PDE10A: variants seen among roughly 807,000 people sequenced by gnomAD.
PDE10A encodes cAMP and cAMP-inhibited cGMP 3',5'-cyclic phosphodiesterase 10A.
A neutral mutation model predicts 97.7 loss-of-function variants in PDE10A; 39 were observed. The ratio of observed to expected loss-of-function variants is 0.40; its 90% CI spans 0.31 to 0.52. The LOEUF (loss-of-function observed/expected upper bound fraction) is 0.52. Ranked by LOEUF, PDE10A falls within the 20% of genes least tolerant of loss-of-function variation. The probability of loss-of-function intolerance (pLI) is 0.56; values close to 1 mark genes in which losing one functional copy is unlikely to be tolerated. For synonymous variants in PDE10A, 371 were observed against 376.8 expected, an observed-to-expected ratio of 0.98 and a Z score of 0.18; for missense variants, 731 against 1,047.8, an observed-to-expected ratio of 0.70 and a Z score of 4.17.
In PDE10A at chr6:165,543,513, A is replaced by T. The variant is rs1394203862; in HGVS notation, c.921T>A (p.Asp307Glu). The T allele has an allele frequency of 3.7e-6, 6 of 1,611,534 alleles. No individual in the cohort carries two copies. The highest frequency in any genetic ancestry group is 5.1e-6 in the Non-Finnish European group (6 of 1,178,216). ...CACTAACACTTTCAGATACAAATTC[A>T]TCTAATACCTGGGGGTGAAGAGAAA... is the stretch of plus-strand genomic sequence containing the variant. ...AYLSLHPQVL[D>E]EFVSESVSAE... Residue 307 changes from aspartate (D) to glutamate (E), a missense_variant, in exon 2 of 22, where the codon GAT becomes GAA. Around this residue, in one of 8 missense-constraint regions of PDE10A, gnomAD observed 181 missense variants for 159.1 expected, o/e 1.14. Coordinates refer to ENST00000539869, the MANE Select transcript of PDE10A (RefSeq NM_001385079.1).
chr6:165,422,825 A>T (rs1279089151), intron 10 of PDE10A, among the ~76,000 whole-genome samples: 2 of 152,182 alleles, frequency 1.3e-5, no homozygotes, highest in Non-Finnish European at 2.9e-5. Context: ...CTTGTTAGTA[A>T]ATGATATCTA....
At chr6:165,642,363 T>C (rs1789177883) in intron 1 of PDE10A, among the ~76,000 whole-genome samples, 1 of 152,206 alleles carries the variant, frequency 6.6e-6, no homozygotes, top group South Asian at 2.1e-4. Context: ...GTCATGGACG[T>C]CCATCTGTGC....
chr6:165,390,988 A>T (rs1418617212), intron 16 of PDE10A, among the ~76,000 whole-genome samples: 1 of 152,170 alleles, frequency 6.6e-6, no homozygotes, highest in Non-Finnish European at 1.5e-5. Context: ...TGTACCTGAT[A>T]AGAAATCTCA....
At chr6:165,910,197 A>G (rs1374542892) in intron 1 of PDE10A, among the ~76,000 whole-genome samples, 1 of 152,194 alleles carries the variant, frequency 6.6e-6, no homozygotes, top group African/African-American at 2.4e-5. Flanking sequence ...GCAGAGACAT[A>G]GAGATGGGGC....
At chr6:165,896,440 A>C (rs1583250000) in intron 1 of PDE10A, among the ~76,000 whole-genome samples, 1 of 142,194 alleles carries the variant, frequency 7.0e-6, no homozygotes, top group African/African-American at 2.7e-5. Flanking sequence ...TACAACCTCC[A>C]CCTCCTGGGT....
chr6:165,983,185 T>A (rs1424825649), intron 1 of PDE10A, among the ~76,000 whole-genome samples: 2 of 152,184 alleles, frequency 1.3e-5, no homozygotes, highest in African/African-American at 4.8e-5. Flanking sequence ...CCTAGTTAAA[T>A]TAAGCAGGCC....
intron 11 of PDE10A, among the ~76,000 whole-genome samples, chr6:165,416,782 T>C (rs1788347748): frequency 6.6e-6 from 1 of 152,194 alleles, no homozygotes; most frequent in Non-Finnish European, 1.5e-5. Flanking sequence ...TGAGATATTA[T>C]ACAGAACTGA....
rs562915451 is a variant in PDE10A at position 165,794,240 on chromosome 6, C to T, written c.-615+193289G>A. Among the ~76,000 whole-genome samples the T allele has an allele frequency of 5.3e-5, 8 of 151,574 alleles. No homozygotes were observed. In the South Asian group the frequency reaches 6.3e-4, roughly 12 times the overall value. On this transcript the variant is annotated intron_variant, in intron 1 of 19. Transcript: ENST00000366882. ...ACACAATCATACACTCCCTCCCACACGCACACCTGCTCACACTCACATACA... is the reference window on the plus strand; with the variant it reads ...ACACAATCATACACTCCCTCCCACATGCACACCTGCTCACACTCACATACA...
rs1303708185 is a variant in PDE10A, at chr6:165,330,949, G to C, written c.*2076C>G. Reference sequence around the variant, plus strand: ...GTATCTTGTTCAAATTCAATTATATGATACACTAACACAAAAATGACACTT... The same window carrying C: ...GTATCTTGTTCAAATTCAATTATATCATACACTAACACAAAAATGACACTT... On this transcript the variant is annotated 3_prime_UTR_variant, in exon 22 of 22. Coordinates refer to ENST00000539869, the MANE Select transcript of PDE10A (RefSeq NM_001385079.1). The C allele has an allele frequency of 6.6e-6, 1 of 152,116 alleles. No individual in the cohort carries two copies. Among genetic ancestry groups the C allele is most frequent in the African/African-American group, 2.4e-5 (1 of 41,430 alleles). The allele number at this position is 152,116 out of a possible 1,614,324, so 9.4% of individuals were successfully genotyped here.
At chr6:165,597,946 C>T (rs1786703194) in intron 1 of PDE10A, among the ~76,000 whole-genome samples, 1 of 152,198 alleles carries the variant, frequency 6.6e-6, no homozygotes, top group Non-Finnish European at 1.5e-5. Flanking sequence ...ACATGCAAGA[C>T]TGAAGTAGAA....
At chr6:165,429,823 C>A (rs1321564809) in intron 9 of PDE10A, among the ~76,000 whole-genome samples, 3 of 151,624 alleles carry the variant, frequency 2.0e-5, no homozygotes, top group South Asian at 4.2e-4. Flanking sequence ...GCCAAACCAG[C>A]GAAATAAAAC....
At chr6:165,920,510 A>G (rs1226175637) in intron 1 of PDE10A, among the ~76,000 whole-genome samples, 1 of 151,974 alleles carries the variant, frequency 6.6e-6, no homozygotes, top group Non-Finnish European at 1.5e-5. Flanking sequence ...ACTTTGAGTG[A>G]CAATCAAGAT....
chr6:165,590,377 T>A (rs1009948380), intron 1 of PDE10A, among the ~76,000 whole-genome samples: 1 of 152,184 alleles, frequency 6.6e-6, no homozygotes, highest in African/African-American at 2.4e-5. Flanking sequence ...AACCCAGGCG[T>A]CTGCTTCCAG....
At chr6:165,571,604 C>G (rs1785053370) in intron 1 of PDE10A, among the ~76,000 whole-genome samples, 1 of 152,202 alleles carries the variant, frequency 6.6e-6, no homozygotes, top group Admixed American at 6.5e-5. Flanking sequence ...ACCTCAGCCA[C>G]TTTCACACAT....
At chr6:165,949,771 G>C (rs1783894104) in intron 1 of PDE10A, 1 of 152,074 alleles carries the variant, frequency 6.6e-6, no homozygotes, top group African/African-American at 2.4e-5. Context: ...ATTCTGTCGT[G>C]GTTTATCATC....
At chr6:165,868,144 T>C (rs929153195) in intron 1 of PDE10A, among the ~76,000 whole-genome samples, 11 of 151,258 alleles carry the variant, frequency 7.3e-5, no homozygotes, top group African/African-American at 2.7e-4. Context: ...AACCCAAAAT[T>C]GGTACAATGA....
At chr6:165,466,786 A>T (rs1331507335) in intron 3 of PDE10A, among the ~76,000 whole-genome samples, 1 of 152,140 alleles carries the variant, frequency 6.6e-6, no homozygotes, top group Non-Finnish European at 1.5e-5. Context: ...CTCTACAATG[A>T]TCTCCAAGTG....
At chr6:165,963,677 G>A (rs1251640806) in intron 1 of PDE10A, among the ~76,000 whole-genome samples, 1 of 152,182 alleles carries the variant, frequency 6.6e-6, no homozygotes, top group East Asian at 1.9e-4. Context: ...CAGCAGCATG[G>A]GGGCGGCCAC....
At chr6:165,987,224 C>G (rs1785250656) in intron 1 of PDE10A, among the ~76,000 whole-genome samples, 1 of 152,174 alleles carries the variant, frequency 6.6e-6, no homozygotes, top group African/African-American at 2.4e-5. Flanking sequence ...GCGTTAGCCC[C>G]GAGGCTGTCA....
Sources: gnomAD v4.1 joint callset for allele counts (sites outside exome capture counted in the v4.1 genomes callset) on GRCh38, gnomAD v4.1.1 for gene constraint, gnomAD v4.1.1 regional missense constraint, MANE v1.5 for transcripts, NCBI Gene and HGNC (gene_info 2026-07-23, HGNC 2026-07-21) for gene names.